The following LRBA variants were observed in gnomAD, a reference collection of about 807,000 sequenced individuals.
The protein encoded by LRBA is lipopolysaccharide-responsive and beige-like anchor protein.
LRBA carries 176 observed loss-of-function variants against 330.0 expected under a neutral mutation model. The observed-to-expected ratio is 0.53, with a 90% CI of 0.47 to 0.60. The LOEUF (loss-of-function observed/expected upper bound fraction) is 0.60. LRBA is among the 20% of genes least tolerant of loss of function. The pLI is 0.00. For synonymous variants in LRBA, 1,230 were observed against 1,193.0 expected, an observed-to-expected ratio of 1.03 and a Z score of -0.64; for missense variants, 3,259 against 3,444.8, an observed-to-expected ratio of 0.95 and a Z score of 1.35.
At chr4:150,619,914 C>T (rs1403510640) in intron 37 of LRBA, among the ~76,000 whole-genome samples, 1 of 152,108 alleles carries the variant, frequency 6.6e-6, no homozygotes, top group Admixed American at 6.5e-5. Flanking sequence ...GGAGTTCTTA[C>T]AGGAGCCTCA....
In LRBA at chr4:150,963,682, C is replaced by G. The variant is rs969818439; in HGVS notation, c.217-34617G>C. On this transcript the variant is annotated intron_variant, in intron 2 of 56. Transcript: ENST00000651943. ...TGCGAGGAGCCCCTCTGCCTGGCCGCCCAGTCCGGGAAGTGAGGAGTGCCT... is the reference window on the plus strand; with the variant it reads ...TGCGAGGAGCCCCTCTGCCTGGCCGGCCAGTCCGGGAAGTGAGGAGTGCCT... 1.3e-4 allele frequency among the ~76,000 whole-genome samples: 20 copies of G among 148,410 alleles called. 2 individuals carry two copies. The highest frequency in any genetic ancestry group is 5.0e-4 in the African/African-American group (19 of 38,010).
intron 37 of LRBA, among the ~76,000 whole-genome samples, chr4:150,642,574 T>C (rs1223469930): frequency 1.3e-5 from 2 of 151,840 alleles, no homozygotes; most frequent in Admixed American, 6.6e-5. Flanking sequence ...ATGGTGTAAT[T>C]AGATGAAGGG....
chr4:150,668,836 T>C (rs1239132107), intron 37 of LRBA, among the ~76,000 whole-genome samples: 1 of 152,122 alleles, frequency 6.6e-6, no homozygotes, highest in Non-Finnish European at 1.5e-5. Flanking sequence ...ATGAAAATGC[T>C]TGGAGACTAG....
chr4:150,723,462 A>G (rs1274936704), intron 36 of LRBA, among the ~76,000 whole-genome samples: 7 of 152,130 alleles, frequency 4.6e-5, no homozygotes, highest in Non-Finnish European at 1.0e-4. Context: ...ACCTGGACCA[A>G]AAGTGAACCC....
rs200336029 is a variant in LRBA, at chr4:150,265,753, C to G, written c.8528G>C (p.Arg2843Pro). 7 of 1,613,550 alleles carry G rather than the reference C, an allele frequency of 4.3e-6. No individual in the cohort carries two copies. Among genetic ancestry groups the G allele is most frequent in the Non-Finnish European group, 5.9e-6 (7 of 1,179,590 alleles). ...SIVLFYNDFN[R>P]WHHEYQTRY ...GCGGGTTTGGTATTCATGATGCCAC[C>G]GGTTAAAGTCGTTGTAAAATAGCAC... The change falls in exon 57 of 57, where the codon CGG becomes CCG. Residue 2843 changes from arginine (R) to proline (P), a missense_variant. Transcript: ENST00000651943.
At chr4:150,914,124 C>A in intron 9 of LRBA, 71 bp downstream of exon 9, 1 of 1,235,060 alleles carries the variant, frequency 8.1e-7, no homozygotes, top group Non-Finnish European at 1.1e-6. Flanking sequence ...TAACCAAACT[C>A]TCCATGTATA....
chr4:150,971,887 T>C (rs140634970), intron 2 of LRBA, among the ~76,000 whole-genome samples: 196 of 152,282 alleles, frequency 1.3e-3, no homozygotes, highest in African/African-American at 4.4e-3. Flanking sequence ...GTATCATCAT[T>C]TGAAAACTTA....
intron 55 of LRBA, 108 bp from the exon 56 acceptor site, chr4:150,278,112 G>C (rs1266469062): frequency 1.1e-5 from 10 of 902,058 alleles, no homozygotes; most frequent in Admixed American, 2.7e-5. Context: ...AGAGAGAAGA[G>C]AGAGAGATCC....
At chr4:150,360,545 C>T (rs547755570) in intron 47 of LRBA, among the ~76,000 whole-genome samples, 1 of 152,264 alleles carries the variant, frequency 6.6e-6, no homozygotes, top group East Asian at 1.9e-4. Context: ...GACGGTGAGG[C>T]TTTATTCAGT....
intron 40 of LRBA, among the ~76,000 whole-genome samples, chr4:150,574,498 A>G (rs6846450): frequency 0.017 from 2,623 of 152,104 alleles, 83 homozygotes; most frequent in African/African-American, 0.058. Flanking sequence ...AAAATAATGG[A>G]TAAAGATAGT....
At chr4:150,916,265 A>T in intron 7 of LRBA, 136 bp downstream of exon 7, 2 of 814,920 alleles carry the variant, frequency 2.5e-6, no homozygotes, top group Non-Finnish European at 1.9e-6. Context: ...TTATTCAGTG[A>T]TTTACGCTTC....
At chr4:150,622,658 T>C (rs958273631) in intron 37 of LRBA, among the ~76,000 whole-genome samples, 18 of 148,738 alleles carry the variant, frequency 1.2e-4, no homozygotes, top group African/African-American at 4.3e-4. Flanking sequence ...ATGGAAACGG[T>C]GGGTGAAGAC....
chr4:150,909,611 G>A (rs1020432628), intron 9 of LRBA, among the ~76,000 whole-genome samples: 5 of 152,056 alleles, frequency 3.3e-5, no homozygotes, highest in African/African-American at 1.2e-4. Flanking sequence ...ATATCTCCTT[G>A]TGACCCTATT....
intron 2 of LRBA, among the ~76,000 whole-genome samples, chr4:150,953,966 GC>G (rs1737185212): frequency 1.4e-4 from 1 of 6,984 alleles, no homozygotes; most frequent in African/African-American, 2.3e-4. Flanking sequence ...GAGCGCCTCT[GC>G]CCCGCCACCC....
intron 48 of LRBA, among the ~76,000 whole-genome samples, chr4:150,344,742 A>G (rs1009994035): frequency 6.6e-6 from 1 of 152,064 alleles, no homozygotes; most frequent in Admixed American, 6.5e-5. Flanking sequence ...GTAGAGATGA[A>G]GTCTTGCTAT....
chr4:150,531,225 TAAAATC>T (rs1478948005), intron 40 of LRBA, among the ~76,000 whole-genome samples: 1 of 152,234 alleles, frequency 6.6e-6, no homozygotes, highest in East Asian at 1.9e-4. Flanking sequence ...GAATGATTCT[TAAAATC>T]AAAATATTTT....
chr4:150,958,649 C>T (rs980158621), intron 2 of LRBA, among the ~76,000 whole-genome samples: 4 of 149,244 alleles, frequency 2.7e-5, no homozygotes, highest in Non-Finnish European at 5.9e-5. Context: ...CAAACTTTTA[C>T]ACTTTGCTTC....
intron 48 of LRBA, among the ~76,000 whole-genome samples, chr4:150,341,893 T>G (rs1296497882): frequency 6.6e-6 from 1 of 151,646 alleles, no homozygotes; most frequent in Non-Finnish European, 1.5e-5. Context: ...AATGGGTGAA[T>G]TCTGGATAAG....
intron 2 of LRBA, among the ~76,000 whole-genome samples, chr4:150,933,842 G>A (rs887201924): frequency 2.6e-5 from 4 of 151,886 alleles, no homozygotes; most frequent in African/African-American, 9.7e-5. Flanking sequence ...CCAACATGGC[G>A]AGACCCCATC....
Sources: gnomAD v4.1 joint callset for allele counts (sites outside exome capture counted in the v4.1 genomes callset) on GRCh38, gnomAD v4.1.1 for gene constraint, MANE v1.5 for transcripts, NCBI Gene and HGNC (gene_info 2026-07-23, HGNC 2026-07-21) for gene names.